KCNIP4: variants seen among roughly 807,000 people sequenced by gnomAD.
KCNIP4 encodes potassium voltage-gated channel interacting protein 4.
Under a neutral mutation model 34.0 loss-of-function variants are expected in KCNIP4, and 12 were observed. The ratio of observed to expected loss-of-function variants is 0.35; its 90% CI spans 0.23 to 0.57. The LOEUF (loss-of-function observed/expected upper bound fraction) is 0.57. Ranked by LOEUF, KCNIP4 falls within the 20% of genes least tolerant of loss-of-function variation. KCNIP4 has a pLI of 0.83. For missense variants in KCNIP4, 238 were observed against 311.7 expected, an observed-to-expected ratio of 0.76 and a Z score of 1.78; for synonymous variants, 124 against 102.2, an observed-to-expected ratio of 1.21 and a Z score of -1.29.
chr4:20,821,940 C>T (rs760911253), intron 3 of KCNIP4, among the ~76,000 whole-genome samples: 20 of 151,958 alleles, frequency 1.3e-4, no homozygotes, highest in Non-Finnish European at 2.2e-4. Context: ...TGGGCACTTA[C>T]GGTTCCACAT....
At chr4:21,761,771 T>C (rs978219670) in intron 1 of KCNIP4, among the ~76,000 whole-genome samples, 1 of 152,094 alleles carries the variant, frequency 6.6e-6, no homozygotes, top group African/African-American at 2.4e-5. Flanking sequence ...GAAAATTGTA[T>C]TGTTTAACAA....
intron 1 of KCNIP4, chr4:21,845,271 A>T (rs1723941662): frequency 6.6e-6 from 1 of 152,134 alleles, no homozygotes; most frequent in South Asian, 2.1e-4. Context: ...CTGCTGGCAT[A>T]GCACAAAAGC....
At position 20,864,712 on chromosome 4, in the gene KCNIP4, T is replaced by C. The variant is rs562963136; in HGVS notation, c.164-14045A>G. Among the ~76,000 whole-genome samples the C allele has an allele frequency of 1.0e-3, 156 of 152,182 alleles. 4 individuals carry two copies. The South Asian group carries it at 0.031, about 30-fold the overall frequency. On this transcript the variant is annotated intron_variant, in intron 2 of 8. Transcript: ENST00000382152. ...AGCAGAAAATGGAACTCTGTGAGAA[T>C]TGAAAGGGGTATTGAGTCCAGCCCC... is the stretch of plus-strand genomic sequence containing the variant.
chr4:20,989,436 A>G (rs184526914), intron 1 of KCNIP4, among the ~76,000 whole-genome samples: 2 of 152,250 alleles, frequency 1.3e-5, no homozygotes, highest in Non-Finnish European at 2.9e-5. Context: ...CTAGCTTTTC[A>G]TAATCCTTGA....
chr4:21,139,391 T>G (rs1373083678), intron 1 of KCNIP4, among the ~76,000 whole-genome samples: 1 of 152,220 alleles, frequency 6.6e-6, no homozygotes, highest in Non-Finnish European at 1.5e-5. Context: ...TGCCAACATG[T>G]TTTTGAGCAT....
intron 1 of KCNIP4, among the ~76,000 whole-genome samples, chr4:21,267,411 A>T (rs1761879648): frequency 6.6e-6 from 1 of 151,694 alleles, no homozygotes; most frequent in Non-Finnish European, 1.5e-5. Flanking sequence ...GGGAGAGGGC[A>T]TCCCTGTCTT....
At chr4:21,938,222 G>A (rs1051771664) in intron 1 of KCNIP4, among the ~76,000 whole-genome samples, 1 of 152,048 alleles carries the variant, frequency 6.6e-6, no homozygotes, top group African/African-American at 2.4e-5. Flanking sequence ...TCCCACTTGC[G>A]TAGTATGACT....
rs562912695 is a variant in KCNIP4 at position 21,825,131 on chromosome 4, G to GT, written c.61+123439dup. On this transcript the variant is annotated intron_variant, in intron 1 of 8. Transcript: ENST00000382152. ...ACATGTTTTCATTTCAGGACTTGAC[G>GT]TAAGTGGTAGACATATCTGTACAGA... 7.9e-5 allele frequency among the ~76,000 whole-genome samples: 12 copies of GT among 152,186 alleles called. No individual in the cohort carries two copies. The East Asian group carries it at 2.3e-3, about 29-fold the overall frequency.
intron 1 of KCNIP4, among the ~76,000 whole-genome samples, chr4:21,876,105 A>G (rs1194530213): frequency 6.6e-6 from 1 of 152,182 alleles, no homozygotes; most frequent in East Asian, 1.9e-4. Context: ...CATAAAGAAA[A>G]TTAATCATAT....
chr4:21,720,314 T>A (rs913747859), intron 1 of KCNIP4, among the ~76,000 whole-genome samples: 1 of 151,768 alleles, frequency 6.6e-6, no homozygotes, highest in African/African-American at 2.4e-5. Context: ...GAAAAAAAAA[T>A]CAGTGCAACA....
intron 3 of KCNIP4, among the ~76,000 whole-genome samples, chr4:20,801,282 G>A (rs34832845): frequency 0.041 from 5,855 of 142,016 alleles, 194 homozygotes; most frequent in East Asian, 0.2. Context: ...GCTTAAGGAA[G>A]TTTTTCAAAA....
At chr4:21,418,074 C>G (rs1287409824) in intron 1 of KCNIP4, among the ~76,000 whole-genome samples, 5 of 152,204 alleles carry the variant, frequency 3.3e-5, no homozygotes, top group Middle Eastern at 3.4e-3. Flanking sequence ...GTGTGTCCAG[C>G]CTTGATTTCT....
At chr4:21,544,546 C>T (rs1446842152) in intron 1 of KCNIP4, 1 of 152,128 alleles carries the variant, frequency 6.6e-6, no homozygotes, top group Non-Finnish European at 1.5e-5. Flanking sequence ...AAGCCAATTC[C>T]TTGACATTGT....
At chr4:20,976,436 A>G (rs1461471901) in intron 1 of KCNIP4, among the ~76,000 whole-genome samples, 1 of 152,220 alleles carries the variant, frequency 6.6e-6, no homozygotes, top group East Asian at 1.9e-4. Context: ...GGAGCTAGAT[A>G]TTCCACTTAT....
At chr4:21,474,457 T>A (rs1242807141) in intron 1 of KCNIP4, among the ~76,000 whole-genome samples, 1 of 152,160 alleles carries the variant, frequency 6.6e-6, no homozygotes, top group Non-Finnish European at 1.5e-5. Flanking sequence ...CAGGTTATGA[T>A]CTTACTTTAT....
intron 1 of KCNIP4, among the ~76,000 whole-genome samples, chr4:21,453,938 T>C (rs1346282654): frequency 6.6e-6 from 1 of 152,056 alleles, no homozygotes; most frequent in Non-Finnish European, 1.5e-5. Flanking sequence ...CATCCATTTC[T>C]TCATCTTGAA....
At chr4:21,825,457 T>G (rs1401169463) in intron 1 of KCNIP4, among the ~76,000 whole-genome samples, 1 of 152,172 alleles carries the variant, frequency 6.6e-6, no homozygotes, top group African/African-American at 2.4e-5. Flanking sequence ...AATAGGAAAT[T>G]TCCATCATAA....
chr4:21,522,909 T>C (rs971502088), intron 1 of KCNIP4, among the ~76,000 whole-genome samples: 3 of 152,020 alleles, frequency 2.0e-5, no homozygotes, highest in Non-Finnish European at 4.4e-5. Context: ...GGTATAAATG[T>C]TTGTGTCCCT....
At chr4:21,400,510 T>C (rs1437513508) in intron 1 of KCNIP4, among the ~76,000 whole-genome samples, 2,371 of 100,284 alleles carry the variant, frequency 0.024, 181 homozygotes, top group African/African-American at 0.12. Context: ...TTCCCCTCCC[T>C]TCCTCTTCTC....
Sources: gnomAD v4.1 joint callset for allele counts (sites outside exome capture counted in the v4.1 genomes callset) on GRCh38, gnomAD v4.1.1 for gene constraint, MANE v1.5 for transcripts, NCBI Gene and HGNC (gene_info 2026-07-23, HGNC 2026-07-21) for gene names.